Variants in ZFR observed in about 807,000 individuals in gnomAD.
The protein encoded by ZFR is zinc finger RNA-binding protein.
In ZFR, 19 loss-of-function variants were observed where a neutral mutation model predicts 130.7. That is an observed-to-expected ratio of 0.15 (90% CI 0.10 to 0.21). ZFR has a LOEUF of 0.21. Ranked by LOEUF, ZFR falls within the 10% of genes least tolerant of loss-of-function variation. ZFR has a pLI of 1.00. For missense variants in ZFR, 872 were observed against 1,321.5 expected (o/e 0.66, Z 5.27); for synonymous variants, 466 against 456.9 (o/e 1.02, Z -0.25).
intron 17 of ZFR, among the ~76,000 whole-genome samples, chr5:32,366,823 C>T (rs1209356321): frequency 1.3e-5 from 2 of 151,114 alleles, no homozygotes; most frequent in Admixed American, 1.3e-4. Flanking sequence ...AAAAAGCTCC[C>T]CATATTAAAT....
intron 5 of ZFR, among the ~76,000 whole-genome samples, chr5:32,413,265 GA>G (rs1753751376): frequency 6.6e-6 from 1 of 151,828 alleles, no homozygotes; most frequent in African/African-American, 2.4e-5. Flanking sequence ...AAAAAGTTGG[GA>G]AAAAACATTA....
chr5:32,373,288 G>T (rs1224511199), intron 17 of ZFR, among the ~76,000 whole-genome samples: 1 of 152,072 alleles, frequency 6.6e-6, no homozygotes, highest in Non-Finnish European at 1.5e-5. Context: ...AGCTACTCAG[G>T]ATGCTAACAC....
chr5:32,385,448 A>T, intron 15 of ZFR, 60 bp downstream of exon 15: 1 of 1,585,214 alleles, frequency 6.3e-7, no homozygotes, highest in African/African-American at 1.4e-5. Context: ...TGCCATCTTA[A>T]AGAGTAGATA....
intron 2 of ZFR, among the ~76,000 whole-genome samples, chr5:32,442,689 T>C (rs192749260): frequency 1.1e-4 from 16 of 152,334 alleles, no homozygotes; most frequent in Admixed American, 5.9e-4. Flanking sequence ...CATCTCTTAA[T>C]GGAGTCTTAA....
At chr5:32,388,349 G>A in intron 13 of ZFR, 120 bp downstream of exon 13, 1 of 922,600 alleles carries the variant, frequency 1.1e-6, no homozygotes, top group Non-Finnish European at 1.6e-6. Context: ...TCGAACACAG[G>A]CATGGTTAAA....
chr5:32,417,121 T>TAA lies in ZFR; in HGVS notation c.565+525_565+526dup, dbSNP rs70961631. Among the ~76,000 whole-genome samples, 824 of 114,672 alleles carry TAA rather than the reference T, an allele frequency of 7.2e-3. 27 individuals are homozygous for TAA. Among genetic ancestry groups the TAA allele is most frequent in the Admixed American group, 0.07 (741 of 10,560 alleles). 75.2% of individuals were successfully genotyped at this position (114,672 alleles called of 152,430 possible). On this transcript the variant is annotated intron_variant, in intron 4 of 19. Transcript: ENST00000265069. ...TTTTAAAAATTATCAAGTCTCTCTC[T>TAA]AAAAAAAAAAAAATCCATCTTTTAA...
chr5:32,378,846 CTAA>C (rs1187256476), intron 17 of ZFR, among the ~76,000 whole-genome samples: 1 of 141,380 alleles, frequency 7.1e-6, no homozygotes, highest in African/African-American at 2.7e-5. Flanking sequence ...TAAAAGCCAA[CTAA>C]TAAATGCTGT....
intron 10 of ZFR, among the ~76,000 whole-genome samples, chr5:32,396,806 G>A (rs756141105): frequency 2.2e-4 from 34 of 151,932 alleles, no homozygotes; most frequent in Non-Finnish European, 4.0e-4. Flanking sequence ...TGTATTCAGT[G>A]AAGAATTCCT....
rs1029169270 is a variant in ZFR, at chr5:32,403,383, G to A, written c.1239C>T (p.His413=). ...ATGGAATGGGTTTACCAAGTTTTGT[G>A]TGTAACTTAACCACCTATAAAACAA... is the stretch of plus-strand genomic sequence containing the variant. The part of the protein sequence containing the change: ...GAKHQKVVKL[H]TKLGKPIPST... Residue 413 remains histidine, a synonymous_variant, in exon 8 of 20, where the codon CAC becomes CAT. Coordinates refer to ENST00000265069, the MANE Select transcript of ZFR (RefSeq NM_016107.5). The A allele has an allele frequency of 6.8e-6, 11 of 1,612,810 alleles. No individual in the cohort carries two copies. The highest frequency in any genetic ancestry group is 9.3e-6 in the Non-Finnish European group (11 of 1,179,136).
chr5:32,421,280 G>C (rs942523278), intron 2 of ZFR, among the ~76,000 whole-genome samples: 1 of 151,922 alleles, frequency 6.6e-6, no homozygotes, highest in Non-Finnish European at 1.5e-5. Context: ...CCACATTTTA[G>C]TATGAGCCAA....
chr5:32,387,237 T>C (rs1753062874), intron 14 of ZFR, among the ~76,000 whole-genome samples: 1 of 152,124 alleles, frequency 6.6e-6, no homozygotes, highest in Admixed American at 6.6e-5. Flanking sequence ...AAAATCACTT[T>C]GTCCTAACAA....
rs58380702 is a variant in ZFR, at chr5:32,399,274, C to CAAACAAAAACAA, written c.1713+721_1713+732dup. ...TGGGTGGCAGAATAAGACTCTGTCT[C>CAAACAAAAACAA]AAACAAAAACAAAAACAAAAACAAA... On this transcript the variant is annotated intron_variant, in intron 9 of 19. Coordinates refer to ENST00000265069, the MANE Select transcript of ZFR (RefSeq NM_016107.5). Among the ~76,000 whole-genome samples, 740 of 147,918 alleles carry CAAACAAAAACAA rather than the reference C, an allele frequency of 5.0e-3. 5 individuals carry two copies. The highest frequency in any genetic ancestry group is 0.012 in the African/African-American group (492 of 39,814).
chr5:32,385,999 T>A (rs559297233), intron 14 of ZFR, among the ~76,000 whole-genome samples: 1 of 152,124 alleles, frequency 6.6e-6, no homozygotes, highest in Non-Finnish European at 1.5e-5. Context: ...CTGACCTTAA[T>A]AGGAGCTACA....
At chr5:32,396,599 A>G (rs964367899) in intron 10 of ZFR, among the ~76,000 whole-genome samples, 1 of 152,050 alleles carries the variant, frequency 6.6e-6, no homozygotes, top group African/African-American at 2.4e-5. Flanking sequence ...TTAGCTGGGC[A>G]TGGGGGTGCA....
intron 2 of ZFR, among the ~76,000 whole-genome samples, chr5:32,438,750 T>C (rs913602612): frequency 6.6e-6 from 1 of 151,962 alleles, no homozygotes; most frequent in Non-Finnish European, 1.5e-5. Context: ...AAATATATGA[T>C]AGATATTAAC....
At position 32,355,565 on chromosome 5, in the gene ZFR, ATTT is replaced by A; in HGVS notation, c.*192_*194del. On this transcript the variant is annotated 3_prime_UTR_variant, in exon 20 of 20. Transcript: ENST00000265069. ...ACTGTTTTCCCCCTAGTCGGAGCAC[ATTT>A]TTTTTTTTGGGTGTCTTTCCATTCA... The A allele has an allele frequency of 2.8e-6, 1 of 358,230 alleles. No homozygotes were observed. The highest frequency in any genetic ancestry group is 4.8e-6 in the Non-Finnish European group (1 of 207,620). The allele number at this position is 358,230 out of a possible 1,614,324, so 22.2% of individuals were successfully genotyped here.
intron 5 of ZFR, 121 bp from the exon 6 acceptor site, chr5:32,407,142 A>C (rs1399002494): frequency 6.7e-6 from 6 of 899,452 alleles, no homozygotes; most frequent in Non-Finnish European, 9.6e-6. Flanking sequence ...GCATATTTAC[A>C]AACGTATATC....
rs1179413619 is a variant in ZFR, at chr5:32,390,380, A to T, written c.2037T>A (p.Asp679Glu). The change falls in exon 12 of 20, where the codon GAT (aspartate) becomes GAA (glutamate). Residue 679 changes from aspartate (D) to glutamate (E), a missense_variant. Coordinates refer to ENST00000265069, the MANE Select transcript of ZFR (RefSeq NM_016107.5). ...RRMEEEQHHW[D>E]DRRRMPDGGY... Reference sequence around the variant, plus strand: ...CTCCATCTGGCATTCGGCGGCGATCATCCCAATGATGTTGTTCTTCCTCCA... The same window carrying T: ...CTCCATCTGGCATTCGGCGGCGATCTTCCCAATGATGTTGTTCTTCCTCCA... 1 of 1,614,174 alleles carries T rather than the reference A, an allele frequency of 6.2e-7. No homozygotes were observed.
At chr5:32,360,291 T>C (rs1752404348) in intron 19 of ZFR, among the ~76,000 whole-genome samples, 1 of 152,214 alleles carries the variant, frequency 6.6e-6, no homozygotes, top group Admixed American at 6.5e-5. Context: ...GTTTTCAGAA[T>C]ACTTACAAAG....
Sources: allele counts gnomAD v4.1 joint callset (sites outside exome capture counted in the v4.1 genomes callset), GRCh38; gene constraint gnomAD v4.1.1; transcripts MANE v1.5; gene names NCBI Gene and HGNC (gene_info 2026-07-23, HGNC 2026-07-21).